The following DPP6 variants were observed in gnomAD, a reference collection of about 807,000 sequenced individuals.
DPP6 encodes the protein dipeptidyl peptidase like 6.
In DPP6, 69 loss-of-function variants were observed where a neutral mutation model predicts 122.6. The observed-to-expected ratio is 0.56, with a 90% CI of 0.46 to 0.69. The LOEUF is 0.69. Among genes scored for constraint, DPP6 ranks in the 30% least tolerant of loss-of-function variants. The pLI, the probability that DPP6 is intolerant of heterozygous loss-of-function variation, is 0.00. For missense variants in DPP6, 928 were observed against 1,116.9 expected (o/e 0.83, Z 2.41); for synonymous variants, 418 against 433.1 (o/e 0.97, Z 0.43).
At position 154,264,775 on chromosome 7, in the gene DPP6, G is replaced by A. The variant is rs565119320; in HGVS notation, c.244-181439G>A. Among the ~76,000 whole-genome samples, 9 of 152,026 alleles carry A rather than the reference G, an allele frequency of 5.9e-5. No homozygotes were observed. The East Asian group carries it at 1.8e-3, about 30-fold the overall frequency. On this transcript the variant is annotated intron_variant, in intron 1 of 25. Coordinates refer to ENST00000377770, the MANE Select transcript of DPP6 (RefSeq NM_130797.4). ...TAATGATGATAGTGATAATGATGAT[G>A]ATCCTGATGATGGTGTTGATGCTGG...
At chr7:154,206,877 A>G (rs948325803) in intron 1 of DPP6, among the ~76,000 whole-genome samples, 2 of 152,208 alleles carry the variant, frequency 1.3e-5, no homozygotes, top group Admixed American at 6.5e-5. Flanking sequence ...TTAAATGCGT[A>G]TGGGGTCACT....
chr7:154,263,219 A>G (rs1803152063), intron 1 of DPP6, among the ~76,000 whole-genome samples: 1 of 152,176 alleles, frequency 6.6e-6, no homozygotes, highest in African/African-American at 2.4e-5. Context: ...AAGGGGAAAG[A>G]CTCAACAGAA....
intron 8 of DPP6, among the ~76,000 whole-genome samples, chr7:154,767,135 C>T (rs557666272): frequency 3.9e-4 from 59 of 152,262 alleles, no homozygotes; most frequent in African/African-American, 1.2e-3. Context: ...TGCAGCCAGC[C>T]GTTTTTCTGT....
chr7:154,138,477 C>A lies in DPP6; in HGVS notation c.243+85414C>A, dbSNP rs140270995. 5.1e-3 allele frequency among the ~76,000 whole-genome samples: 775 copies of A among 152,318 alleles called. 6 individuals carry two copies. Among genetic ancestry groups the A allele is most frequent in the African/African-American group, 0.018 (742 of 41,566 alleles). ...GACAGAGACTAATTCTGCTCAAGAA[C>A]AGCTCAAATGGAAAGCTCAGATCCA... On this transcript the variant is annotated intron_variant, in intron 1 of 25. Transcript: ENST00000377770.
intron 4 of DPP6, among the ~76,000 whole-genome samples, chr7:154,565,704 T>C (rs1830701657): frequency 6.6e-6 from 1 of 152,166 alleles, no homozygotes. Flanking sequence ...TTTGTAATTT[T>C]AGTGGAGACG....
chr7:154,884,754 TACATGCTCACACAGGCATAC>T (rs1805984313), intron 21 of DPP6: 1 of 67,754 alleles, frequency 1.5e-5, no homozygotes, highest in Non-Finnish European at 3.0e-5. Context: ...CACATACTCA[TACATGCTCACACAGGCATAC>T]ACACATGCTC....
intron 1 of DPP6, among the ~76,000 whole-genome samples, chr7:154,111,001 A>G (rs1391812673): frequency 6.6e-6 from 1 of 152,158 alleles, no homozygotes; most frequent in East Asian, 1.9e-4. Context: ...GAAAGACCTG[A>G]ATGTATCTGC....
At chr7:154,299,898 G>T (rs1483530235) in intron 1 of DPP6, among the ~76,000 whole-genome samples, 1 of 152,234 alleles carries the variant, frequency 6.6e-6, no homozygotes, top group African/African-American at 2.4e-5. Flanking sequence ...GCGGAGGGAT[G>T]CAGGCTTGCA....
intron 1 of DPP6, among the ~76,000 whole-genome samples, chr7:153,889,415 G>A (rs1163584651): frequency 3.9e-5 from 6 of 152,158 alleles, no homozygotes; most frequent in Non-Finnish European, 7.3e-5. Context: ...ATGTGCTAGG[G>A]AAACCTGTAT....
Position 153,908,019 on chromosome 7 carries a change from G to C in DPP6, c.51+20285G>C, listed in dbSNP as rs541150795. Among the ~76,000 whole-genome samples the C allele has an allele frequency of 2.7e-3, 407 of 149,064 alleles. 1 individual carries two copies. The highest frequency in any genetic ancestry group is 9.4e-3 in the African/African-American group (377 of 40,268). ...ACCCAGATCCCTGGATTGAAATTTAGAGGCTGGAAGTTTTTTTTTTTTTTT... is the reference window on the plus strand; with the variant it reads ...ACCCAGATCCCTGGATTGAAATTTACAGGCTGGAAGTTTTTTTTTTTTTTT... On this transcript the variant is annotated intron_variant, in intron 1 of 25. Transcript: ENST00000404039.
chr7:154,821,064 C>T lies in DPP6; in HGVS notation c.1666+13952C>T, dbSNP rs1020032262. On this transcript the variant is annotated intron_variant, in intron 16 of 25. Transcript: ENST00000377770. This position sits in a 1 kb window ranked among gnomAD's most constrained non-coding sequence, Gnocchi z 4.2. ...TGGGGATGCCCTTCTGGCTACTGTACTTCAAGATGTTCTCTGCAGAGGGTC... is the reference window on the plus strand; with the variant it reads ...TGGGGATGCCCTTCTGGCTACTGTATTTCAAGATGTTCTCTGCAGAGGGTC... Among the ~76,000 whole-genome samples, 14 of 152,156 alleles carry T rather than the reference C, an allele frequency of 9.2e-5. No individual in the cohort carries two copies. Among genetic ancestry groups the T allele is most frequent in the African/African-American group, 3.1e-4 (13 of 41,422 alleles).
intron 1 of DPP6, among the ~76,000 whole-genome samples, chr7:154,404,081 T>A (rs972077643): frequency 6.6e-6 from 1 of 152,152 alleles, no homozygotes; most frequent in Non-Finnish European, 1.5e-5. Context: ...TTCAACAAAG[T>A]AATTATTGCA....
At chr7:154,560,243 C>A (rs1226325070) in intron 4 of DPP6, among the ~76,000 whole-genome samples, 1 of 152,050 alleles carries the variant, frequency 6.6e-6, no homozygotes, top group Admixed American at 6.6e-5. Context: ...CTCAAAGGGT[C>A]CTTTAAATAT....
chr7:154,420,888 A>G (rs1817416850), intron 1 of DPP6, among the ~76,000 whole-genome samples: 1 of 152,212 alleles, frequency 6.6e-6, no homozygotes, highest in Admixed American at 6.5e-5. Context: ...AATCTGCTCT[A>G]CAACATTGTG....
At chr7:154,873,831 T>A (rs549555590) in intron 19 of DPP6, among the ~76,000 whole-genome samples, 2 of 87,392 alleles carry the variant, frequency 2.3e-5, no homozygotes, top group Non-Finnish European at 5.1e-5. Flanking sequence ...CACGCATACA[T>A]AAACACACAC....
At chr7:154,345,814 T>TG (rs1487607363) in intron 1 of DPP6, among the ~76,000 whole-genome samples, 2 of 152,200 alleles carry the variant, frequency 1.3e-5, no homozygotes, top group Non-Finnish European at 2.9e-5. Context: ...CTTGCTTCCT[T>TG]CTCCTGATGT....
intron 1 of DPP6, among the ~76,000 whole-genome samples, chr7:154,218,287 A>G (rs1800115442): frequency 6.6e-6 from 1 of 152,138 alleles, no homozygotes; most frequent in South Asian, 2.1e-4. Flanking sequence ...ACCCAGCCTT[A>G]CAACAAGTCC....
chr7:154,197,868 G>A (rs561126191), intron 1 of DPP6, among the ~76,000 whole-genome samples: 2 of 152,330 alleles, frequency 1.3e-5, no homozygotes, highest in East Asian at 3.9e-4. Context: ...TTGGGAAGGA[G>A]AAGAGCAGAA....
At chr7:154,045,051 C>T (rs1305405845) in intron 1 of DPP6, among the ~76,000 whole-genome samples, 1 of 152,102 alleles carries the variant, frequency 6.6e-6, no homozygotes, top group Admixed American at 6.6e-5. Flanking sequence ...ATATCTTTGC[C>T]TTTGCTTTGA....
Sources: allele counts gnomAD v4.1 joint callset (sites outside exome capture counted in the v4.1 genomes callset), GRCh38; gene constraint gnomAD v4.1.1; non-coding constraint Gnocchi (gnomAD v3.1); transcripts MANE v1.5; gene names NCBI Gene and HGNC (gene_info 2026-07-23, HGNC 2026-07-21).